AAAS: variants seen among roughly 807,000 people sequenced by gnomAD.
The protein encoded by AAAS is aladin.
Under a neutral mutation model 75.6 loss-of-function variants are expected in AAAS, and 60 were observed. The observed-to-expected ratio is 0.79, with a 90% confidence interval of 0.64 to 0.98. AAAS has a LOEUF of 0.98. Among genes scored for constraint, AAAS ranks in the 50% least tolerant of loss-of-function variants. AAAS has a pLI of 0.00. For missense variants in AAAS, 658 were observed against 686.9 expected (o/e 0.96, Z 0.47); for synonymous variants, 271 against 265.0 (o/e 1.02, Z -0.22).
intron 7 of AAAS, among the ~76,000 whole-genome samples, chr12:53,312,761 A>G (rs1041886802): frequency 4.0e-5 from 6 of 150,034 alleles, no homozygotes; most frequent in Admixed American, 2.0e-4. Context: ...TCATATATAT[A>G]CGTATATACA....
chr12:53,321,578 G>A lies in AAAS; in HGVS notation c.-113C>T, dbSNP rs922459123. Reference sequence around the variant, plus strand: ...ATTCGTATGCGGACGGGTACCGCAAGGGACAAACGGCGAGGCGGAACTCAA... The same window carrying A: ...ATTCGTATGCGGACGGGTACCGCAAAGGACAAACGGCGAGGCGGAACTCAA... On this transcript the variant is annotated 5_prime_UTR_variant, in exon 1 of 16. Coordinates refer to ENST00000209873, the MANE Select transcript of AAAS (RefSeq NM_015665.6). 34 of 1,565,058 alleles carry A rather than the reference G, an allele frequency of 2.2e-5. No individual in the cohort carries two copies. The highest frequency in any genetic ancestry group is 2.8e-5 in the Non-Finnish European group (32 of 1,147,476).
In AAAS at chr12:53,315,408, G is replaced by A. The variant is rs756653657; in HGVS notation, c.326C>T (p.Thr109Met). 61 of 1,613,224 alleles carry A rather than the reference G, an allele frequency of 3.8e-5. No homozygotes were observed. Among genetic ancestry groups the A allele is most frequent in the East Asian group, 8.9e-5 (4 of 44,890 alleles). Residue 109 changes from threonine (T) to methionine (M), a missense_variant, in exon 4 of 16, where the codon ACG (threonine) becomes ATG (methionine). Physicochemically the swap from Thr to Met is moderately conservative, Grantham distance 81 (BLOSUM62 -1). Coordinates refer to ENST00000209873, the MANE Select transcript of AAAS (RefSeq NM_015665.6). Reference protein sequence around the residue: ...SEEEVFEWVKTASGWALALCR... With the variant: ...SEEEVFEWVKMASGWALALCR... ...GAGTGCCAGGGCCCAGCCGGATGCC[G>A]TCTTCACCCACTCAAACACTGTAGG...
rs756095463 is a variant in AAAS, at chr12:53,321,502, C to T, written c.-37G>A. ...GCAGGACGTCTGCAGTCGGCAAACT[C>T]CTGGCCGGAACGGCACAGACCGCAC... On this transcript the variant is annotated 5_prime_UTR_variant, in exon 1 of 16. Coordinates refer to ENST00000209873, the MANE Select transcript of AAAS (RefSeq NM_015665.6). 30 of 1,612,920 alleles carry T rather than the reference C, an allele frequency of 1.9e-5. No individual in the cohort carries two copies. In the Admixed American group the frequency reaches 2.5e-4, roughly 13 times the overall value.
chr12:53,308,547 A>C lies in AAAS; in HGVS notation c.1088-19T>G, dbSNP rs762452938. On this transcript the variant is annotated intron_variant, in intron 11 of 15. Coordinates refer to ENST00000209873, the MANE Select transcript of AAAS (RefSeq NM_015665.6). ...CCCTCACCTGTGGACAAATAAGAGC[A>C]GAGAGGTTCTTGCAAGAAACAGGCC... 1 of 1,613,948 alleles carries C rather than the reference A, an allele frequency of 6.2e-7. No individual in the cohort carries two copies. Among genetic ancestry groups the C allele is most frequent in the African/African-American group, 1.3e-5 (1 of 74,940 alleles).
Position 53,315,159 on chromosome 12 carries a change from C to T in AAAS, c.400-19G>A, listed in dbSNP as rs772937452. On this transcript the variant is annotated intron_variant, in intron 4 of 15. Coordinates refer to ENST00000209873, the MANE Select transcript of AAAS (RefSeq NM_015665.6). ...TCCTGAGCTGTAAGAACAAGATAGA[C>T]ACAGGACACACTGGGGCAAAAGGAG... The T allele has an allele frequency of 6.2e-7, 1 of 1,614,116 alleles. No homozygotes were observed. The highest frequency in any genetic ancestry group is 1.1e-5 in the South Asian group (1 of 91,082).
chr12:53,314,465 G>A (rs1179110432), intron 6 of AAAS, 24 bp from the exon 7 acceptor site: 2 of 1,613,608 alleles, frequency 1.2e-6, no homozygotes, highest in Admixed American at 3.3e-5. Flanking sequence ...GCAGGAAACT[G>A]AGTCAAGGCA....
chr12:53,309,067 A>C, intron 9 of AAAS, 47 bp from the exon 10 acceptor site: 1 of 1,614,186 alleles, frequency 6.2e-7, no homozygotes, highest in Non-Finnish European at 8.5e-7. Flanking sequence ...CTAAGTTCTA[A>C]AAGTTGGACC....
chr12:53,312,195 C>A (rs1944399813), intron 7 of AAAS, among the ~76,000 whole-genome samples: 1 of 148,888 alleles, frequency 6.7e-6, no homozygotes, highest in Non-Finnish European at 1.5e-5. Flanking sequence ...CCAGCCTGGG[C>A]AACAAAAGTG....
chr12:53,319,183 T>C (rs1373370021), intron 2 of AAAS, among the ~76,000 whole-genome samples: 1 of 151,854 alleles, frequency 6.6e-6, no homozygotes, highest in Non-Finnish European at 1.5e-5. Context: ...ATGGTATTAA[T>C]AAAAATATTA....
At chr12:53,320,452 G>C (rs1944535214) in intron 2 of AAAS, 113 bp downstream of exon 2, 7 of 1,447,822 alleles carry the variant, frequency 4.8e-6, no homozygotes, top group Admixed American at 3.4e-5. Flanking sequence ...TACAGCTCTC[G>C]TGGAGACAGC....
chr12:53,319,769 A>G (rs752963316), intron 2 of AAAS, among the ~76,000 whole-genome samples: 25 of 133,262 alleles, frequency 1.9e-4, no homozygotes, highest in Non-Finnish European at 3.5e-4. Flanking sequence ...GCACCTCTGC[A>G]CTCCAGCCTG....
chr12:53,309,041 T>C, intron 9 of AAAS, 21 bp from the exon 10 acceptor site: 1 of 1,614,144 alleles, frequency 6.2e-7, no homozygotes. Flanking sequence ...GAAAAGCAAA[T>C]TACAGCTCAG....
intron 7 of AAAS, among the ~76,000 whole-genome samples, chr12:53,311,632 A>G (rs1482434107): frequency 1.3e-5 from 2 of 152,038 alleles, no homozygotes; most frequent in African/African-American, 4.8e-5. Flanking sequence ...ACCAAAAAAC[A>G]GGCCAGTTGC....
chr12:53,314,239 C>T, intron 7 of AAAS, 59 bp downstream of exon 7: 2 of 1,610,930 alleles, frequency 1.2e-6, no homozygotes, highest in Non-Finnish European at 1.7e-6. Flanking sequence ...CCTCACCACC[C>T]ACCATGCCTA....
rs78801506 is a variant in AAAS at position 53,321,059 on chromosome 12, T to C, written c.123+284A>G. ...TCCTTCTGATCCTCCCCAGATACTGTCCCCAACTTTTAGATAGTTCTCCCG... is the reference window on the plus strand; with the variant it reads ...TCCTTCTGATCCTCCCCAGATACTGCCCCCAACTTTTAGATAGTTCTCCCG... On this transcript the variant is annotated intron_variant, in intron 1 of 15. Coordinates refer to ENST00000209873, the MANE Select transcript of AAAS (RefSeq NM_015665.6). 1,707 of 562,880 alleles carry C rather than the reference T, an allele frequency of 3.0e-3. 29 individuals are homozygous for C. Among genetic ancestry groups the C allele is most frequent in the African/African-American group, 0.029 (1,529 of 53,186 alleles). 34.9% of individuals were successfully genotyped at this position (562,880 alleles called of 1,614,324 possible). A position where few individuals can be genotyped will look rare whatever the true frequency, so the allele number is the denominator to read the frequency against.
At chr12:53,315,516 TC>T in intron 3 of AAAS, 90 bp from the exon 4 acceptor site, 1 of 1,290,090 alleles carries the variant, frequency 7.8e-7, no homozygotes, top group African/African-American at 1.5e-5. Context: ...GGACAGGCAC[TC>T]CCCAGGTCCT....
chr12:53,320,547 C>A lies in AAAS; in HGVS notation c.251+18G>T. 5 of 1,613,288 alleles carry A rather than the reference C, an allele frequency of 3.1e-6. No homozygotes were observed. Among genetic ancestry groups the A allele is most frequent in the Non-Finnish European group, 4.2e-6 (5 of 1,179,882 alleles). ...GATCTGCAGACTGTGACCCAGGAAA[C>A]CCTTTGCCATGCCTCACCAAATGTT... On this transcript the variant is annotated intron_variant, in intron 2 of 15. Transcript: ENST00000209873.
intron 2 of AAAS, 27 bp from the exon 3 acceptor site, chr12:53,315,809 G>A: frequency 6.2e-7 from 1 of 1,611,694 alleles, no homozygotes; most frequent in Non-Finnish European, 8.5e-7. Context: ...ATGTGGGTCA[G>A]CTTACTCTGA....
At chr12:53,314,969 G>A in intron 5 of AAAS, 120 bp from the exon 6 acceptor site, 1 of 1,472,304 alleles carries the variant, frequency 6.8e-7, no homozygotes, top group Non-Finnish European at 9.5e-7. Context: ...CTTTTTTGGG[G>A]GAACAGGAGG....
Sources: allele counts gnomAD v4.1 joint callset (sites outside exome capture counted in the v4.1 genomes callset), GRCh38; gene constraint gnomAD v4.1.1; transcripts MANE v1.5; gene names NCBI Gene and HGNC (gene_info 2026-07-23, HGNC 2026-07-21).